The following HS3ST4 variants were observed in gnomAD, a reference collection of about 807,000 sequenced individuals.
HS3ST4 encodes the protein heparan sulfate-glucosamine 3-sulfotransferase 4.
A neutral mutation model predicts 29.2 loss-of-function variants in HS3ST4; 17 were observed. The ratio of observed to expected loss-of-function variants is 0.58; its 90% CI spans 0.40 to 0.87. The LOEUF is 0.87. Ranked by LOEUF, HS3ST4 falls within the 40% of genes least tolerant of loss-of-function variation. The pLI is 0.00. For missense variants in HS3ST4, 627 were observed against 634.5 expected (o/e 0.99, Z 0.13); for synonymous variants, 314 against 285.7 (o/e 1.10, Z -1.00).
At chr16:25,866,672 G>T (rs2141657417) in intron 1 of HS3ST4, among the ~76,000 whole-genome samples, 1 of 152,200 alleles carries the variant, frequency 6.6e-6, no homozygotes, top group East Asian at 1.9e-4. Flanking sequence ...GGGGGCAACA[G>T]GAGAGAGAGC....
chr16:25,935,534 CTT>C (rs1358378345), intron 1 of HS3ST4, among the ~76,000 whole-genome samples: 1 of 152,118 alleles, frequency 6.6e-6, no homozygotes, highest in African/African-American at 2.4e-5. Context: ...ATGGTTTTTC[CTT>C]TTCCAGAATG....
intron 1 of HS3ST4, among the ~76,000 whole-genome samples, chr16:25,834,707 A>G (rs911264947): frequency 5.9e-5 from 9 of 152,204 alleles, no homozygotes; most frequent in African/African-American, 2.2e-4. Context: ...GAACTTTAAG[A>G]GGCCGAGGCA....
chr16:25,801,536 C>T (rs1316090637), intron 1 of HS3ST4, among the ~76,000 whole-genome samples: 2 of 152,128 alleles, frequency 1.3e-5, no homozygotes, highest in Non-Finnish European at 2.9e-5. Context: ...TTGCTGTTTG[C>T]TGGGTGTTAA....
chr16:25,910,314 C>G (rs1249087275), intron 1 of HS3ST4, among the ~76,000 whole-genome samples: 1 of 152,148 alleles, frequency 6.6e-6, no homozygotes, highest in African/African-American at 2.4e-5. Flanking sequence ...GATGTTACAT[C>G]AGAGTCCATG....
intron 1 of HS3ST4, among the ~76,000 whole-genome samples, chr16:25,922,390 CCAG>C (rs2141683475): frequency 6.6e-6 from 1 of 152,262 alleles, no homozygotes; most frequent in South Asian, 2.1e-4. Context: ...CATTTGTGAA[CCAG>C]TAAATAGATC....
At chr16:25,918,306 CT>C (rs1465274549) in intron 1 of HS3ST4, among the ~76,000 whole-genome samples, 2 of 152,094 alleles carry the variant, frequency 1.3e-5, no homozygotes, top group Non-Finnish European at 2.9e-5. Context: ...GACCCTCAGC[CT>C]ATTATAAAGC....
intron 1 of HS3ST4, among the ~76,000 whole-genome samples, chr16:26,032,028 A>G (rs1317890902): frequency 6.6e-6 from 1 of 152,156 alleles, no homozygotes; most frequent in Non-Finnish European, 1.5e-5. Flanking sequence ...AAGATCCACA[A>G]TCTAGAAATG....
chr16:25,850,033 T>C (rs1967502432), intron 1 of HS3ST4, among the ~76,000 whole-genome samples: 2 of 150,840 alleles, frequency 1.3e-5, no homozygotes, highest in Admixed American at 6.6e-5. Context: ...GAGTTTTGCT[T>C]TTGTTGCCCA....
intron 1 of HS3ST4, among the ~76,000 whole-genome samples, chr16:25,893,862 A>C (rs572321709): frequency 2.0e-5 from 3 of 152,286 alleles, no homozygotes; most frequent in African/African-American, 7.2e-5. Flanking sequence ...CCCGTTTAGG[A>C]TATCCAGGGA....
At chr16:25,737,261 G>A (rs77131292) in intron 1 of HS3ST4, among the ~76,000 whole-genome samples, 6,148 of 152,214 alleles carry the variant, frequency 0.04, 424 homozygotes, top group African/African-American at 0.14. Flanking sequence ...GGCGATGACC[G>A]TATGTCATGA....
chr16:26,042,639 A>G (rs1387623895), intron 1 of HS3ST4, among the ~76,000 whole-genome samples: 1 of 152,176 alleles, frequency 6.6e-6, no homozygotes, highest in Non-Finnish European at 1.5e-5. Context: ...ACATGATCCA[A>G]CTGGGATGGT....
At chr16:25,828,330 C>T (rs1967256191) in intron 1 of HS3ST4, among the ~76,000 whole-genome samples, 34 of 134,254 alleles carry the variant, frequency 2.5e-4, no homozygotes, top group South Asian at 5.0e-4. Context: ...CTCTCTCTCT[C>T]TCTCTCTCTT....
intron 1 of HS3ST4, among the ~76,000 whole-genome samples, chr16:25,696,423 T>C (rs180722213): frequency 1.8e-3 from 278 of 152,130 alleles, no homozygotes; most frequent in Admixed American, 5.0e-3. Flanking sequence ...TTGCAGAGCA[T>C]ACGGTAACCA....
intron 1 of HS3ST4, among the ~76,000 whole-genome samples, chr16:25,817,067 C>T (rs1209459369): frequency 6.6e-6 from 1 of 152,208 alleles, no homozygotes; most frequent in Non-Finnish European, 1.5e-5. Flanking sequence ...CAAACCATAG[C>T]AAGCTGCATT....
intron 1 of HS3ST4, among the ~76,000 whole-genome samples, chr16:25,700,941 T>C (rs1175036259): frequency 1.3e-5 from 2 of 152,152 alleles, no homozygotes; most frequent in Admixed American, 6.5e-5. Context: ...AATTAGACAA[T>C]ATTTTTTTCA....
At chr16:25,837,060 T>A (rs1277686687) in intron 1 of HS3ST4, among the ~76,000 whole-genome samples, 1 of 152,246 alleles carries the variant, frequency 6.6e-6, no homozygotes, top group Non-Finnish European at 1.5e-5. Flanking sequence ...CCAGTCATGG[T>A]TGATTTTCCA....
At chr16:25,826,849 ACATG>A (rs767646769) in intron 1 of HS3ST4, among the ~76,000 whole-genome samples, 11 of 152,294 alleles carry the variant, frequency 7.2e-5, no homozygotes, top group South Asian at 4.1e-4. Context: ...TATAAATCAG[ACATG>A]CTTGCCCTTT....
At chr16:25,863,610 A>G (rs950975171) in intron 1 of HS3ST4, among the ~76,000 whole-genome samples, 1 of 152,206 alleles carries the variant, frequency 6.6e-6, no homozygotes, top group Non-Finnish European at 1.5e-5. Flanking sequence ...GAAATACTCT[A>G]TCTTGCTTGA....
At chr16:25,973,915 A>G (rs1968919274) in intron 1 of HS3ST4, among the ~76,000 whole-genome samples, 1 of 152,166 alleles carries the variant, frequency 6.6e-6, no homozygotes, top group African/African-American at 2.4e-5. Context: ...TCCAATGTCT[A>G]AATACTTAAT....
Sources: allele counts gnomAD v4.1 joint callset (sites outside exome capture counted in the v4.1 genomes callset), GRCh38; gene constraint gnomAD v4.1.1; transcripts MANE v1.5; gene names NCBI Gene and HGNC (gene_info 2026-07-23, HGNC 2026-07-21).